PPP2R5D: variants seen among roughly 807,000 people sequenced by gnomAD.
The protein encoded by PPP2R5D is protein phosphatase 2 regulatory subunit B'delta, also known as serine/threonine-protein phosphatase 2A 56 kDa regulatory subunit delta isoform.
In PPP2R5D, 12 loss-of-function variants were observed where a neutral mutation model predicts 79.1. The observed-to-expected ratio is 0.15, with a 90% CI of 0.10 to 0.25. The LOEUF is 0.25. PPP2R5D is among the 10% of genes least tolerant of loss of function. The pLI, the probability that PPP2R5D is intolerant of heterozygous loss-of-function variation, is 1.00. For missense variants in PPP2R5D, 419 were observed against 760.2 expected (o/e 0.55, Z 5.28); for synonymous variants, 277 against 286.6 (o/e 0.97, Z 0.34).
At chr6:43,002,406 G>A (rs973193672) in intron 2 of PPP2R5D, among the ~76,000 whole-genome samples, 55 of 152,126 alleles carry the variant, frequency 3.6e-4, no homozygotes, top group South Asian at 1.5e-3. Context: ...CTCGTGATCC[G>A]CCCGCCTCTG....
chr6:42,994,390 T>C (rs1400642116), intron 2 of PPP2R5D, among the ~76,000 whole-genome samples: 1 of 152,198 alleles, frequency 6.6e-6, no homozygotes, highest in African/African-American at 2.4e-5. Context: ...CTTGTGGTCT[T>C]GAATGAAGTG....
rs749823436 is a variant in PPP2R5D, at chr6:43,007,024, C to T, written c.436C>T (p.Arg146Trp). 1 of 1,613,994 alleles carries T rather than the reference C, an allele frequency of 6.2e-7. No homozygotes were observed. Among genetic ancestry groups the T allele is most frequent in the Admixed American group, 1.7e-5 (1 of 59,990 alleles). The change falls in exon 4 of 16, where the codon CGG becomes TGG. Residue 146 changes from arginine to tryptophan, a missense_variant. Around this residue, in one of 5 missense-constraint regions of PPP2R5D, gnomAD observed 29 missense variants for 64.2 expected, o/e 0.45. Coordinates refer to ENST00000485511, the MANE Select transcript of PPP2R5D (RefSeq NM_006245.4). This position sits in a 1 kb window ranked among gnomAD's most constrained non-coding sequence, Gnocchi z 4.5. ...LSDLKFKEVK[R>W]AGLNEMVEYI... is the part of the protein sequence containing the mutation. The stretch of plus-strand genomic sequence containing the variant: ...TGACCTCAAATTCAAGGAGGTGAAG[C>T]GGGCAGGACTCAACGAGATGGTGGA...
intron 2 of PPP2R5D, among the ~76,000 whole-genome samples, chr6:42,998,616 G>A (rs1315017698): frequency 4.6e-5 from 7 of 152,112 alleles, no homozygotes; most frequent in Admixed American, 4.6e-4. Context: ...CAGAAGTGAG[G>A]GCCAGGTATG....
rs146145609 is a variant in PPP2R5D at position 43,006,555 on chromosome 6, C to G, written c.198C>G (p.Pro66=). The part of the protein sequence containing the change: ...NKRPSNSTPP[P]TQLSKIKYSG... ...GTCCCAGCAATAGCACGCCGCCCCC[C>G]ACGCAGCTCAGCAAAATCAAGTACT... Residue 66 remains proline, a synonymous_variant, in exon 3 of 16, where the codon CCC becomes CCG. Coordinates refer to ENST00000485511, the MANE Select transcript of PPP2R5D (RefSeq NM_006245.4). The surrounding 1 kb of genome is among the most constrained non-coding windows in gnomAD (Gnocchi z 4.7). The G allele has an allele frequency of 2.0e-5, 32 of 1,614,174 alleles. No individual in the cohort carries two copies. The highest frequency in any genetic ancestry group is 4.0e-5 in the African/African-American group (3 of 75,048).
Position 43,011,797 on chromosome 6 carries a change from CA to C in PPP2R5D, c.*512del, listed in dbSNP as rs1762363950. ...GCAGCACAAATAGGCCCCCCAGTCC[CA>C]GCCGTGTGCTGGCAGATAGGGTTGT... is the stretch of plus-strand genomic sequence containing the variant. On this transcript the variant is annotated 3_prime_UTR_variant, in exon 16 of 16. Transcript: ENST00000485511. 6.0e-6 allele frequency: 1 copy of C among 166,036 alleles called. No individual in the cohort carries two copies. Among genetic ancestry groups the C allele is most frequent in the African/African-American group, 2.4e-5 (1 of 41,614 alleles). The allele number at this position is 166,036 out of a possible 1,614,324, so 10.3% of individuals were successfully genotyped here.
rs1387878879 is a variant in PPP2R5D, at chr6:43,011,589, A to G, written c.*303A>G. ...CCCACAGCTACCTGAGGCTGCTCTG[A>G]GAAGTACACACAGGAATACATACGC... On this transcript the variant is annotated 3_prime_UTR_variant, in exon 16 of 16. Coordinates refer to ENST00000485511, the MANE Select transcript of PPP2R5D (RefSeq NM_006245.4). 3 of 466,132 alleles carry G rather than the reference A, an allele frequency of 6.4e-6. No individual in the cohort carries two copies. The East Asian group carries it at 1.2e-4, about 19-fold the overall frequency. The allele number at this position is 466,132 out of a possible 1,614,324, so 28.9% of individuals were successfully genotyped here.
chr6:42,987,838 G>T (rs956663214), intron 1 of PPP2R5D, among the ~76,000 whole-genome samples: 1 of 152,016 alleles, frequency 6.6e-6, no homozygotes, highest in Non-Finnish European at 1.5e-5. Context: ...GTACAAAAAA[G>T]AATAAGCAGC....
At chr6:42,995,126 C>CTTT (rs889250251) in intron 2 of PPP2R5D, among the ~76,000 whole-genome samples, 2,308 of 106,216 alleles carry the variant, frequency 0.022, 155 homozygotes, top group African/African-American at 0.09. Flanking sequence ...CTTTTTCTTT[C>CTTT]TTTTTTTTTT....
rs1203620492 is a variant in PPP2R5D, at chr6:43,011,485, C to T, written c.*199C>T. ...CTCCCCAAAAGGTGTTCATGCCTCCCTGTGGCTAGTACAGGCTGAGCACTA... is the reference window on the plus strand; with the variant it reads ...CTCCCCAAAAGGTGTTCATGCCTCCTTGTGGCTAGTACAGGCTGAGCACTA... On this transcript the variant is annotated 3_prime_UTR_variant, in exon 16 of 16. Coordinates refer to ENST00000485511, the MANE Select transcript of PPP2R5D (RefSeq NM_006245.4). The T allele has an allele frequency of 1.3e-5, 9 of 687,228 alleles. No homozygotes were observed. In the African/African-American group the frequency reaches 1.6e-4, roughly 12 times the overall value. 42.6% of individuals were successfully genotyped at this position (687,228 alleles called of 1,614,324 possible).
At chr6:42,986,970 A>AG (rs1770902348) in intron 1 of PPP2R5D, among the ~76,000 whole-genome samples, 1 of 151,768 alleles carries the variant, frequency 6.6e-6, no homozygotes, top group African/African-American at 2.4e-5. Flanking sequence ...TCTAAGGGGC[A>AG]GGGGGGTTGC....
At chr6:42,992,337 A>G (rs57933466) in intron 2 of PPP2R5D, among the ~76,000 whole-genome samples, 40,267 of 152,002 alleles carry the variant, frequency 0.26, 8,190 homozygotes, top group African/African-American at 0.57. Flanking sequence ...GGGATTACAG[A>G]TGTGAGCCAC....
chr6:43,007,017 G>A lies in PPP2R5D; in HGVS notation c.429G>A (p.Glu143=), dbSNP rs1350254975. ...SDPLSDLKFK[E]VKRAGLNEMV... ...CACTCAGTGACCTCAAATTCAAGGA[G>A]GTGAAGCGGGCAGGACTCAACGAGA... Residue 143 remains glutamate, a synonymous_variant, in exon 4 of 16, where the codon GAG becomes GAA. Coordinates refer to ENST00000485511, the MANE Select transcript of PPP2R5D (RefSeq NM_006245.4). The surrounding 1 kb of genome is among the most constrained non-coding windows in gnomAD (Gnocchi z 4.5). 2 of 1,614,194 alleles carry A rather than the reference G, an allele frequency of 1.2e-6. No individual in the cohort carries two copies. The highest frequency in any genetic ancestry group is 1.3e-5 in the African/African-American group (1 of 75,034).
At chr6:42,993,181 C>T (rs1561840576) in intron 2 of PPP2R5D, among the ~76,000 whole-genome samples, 2 of 152,074 alleles carry the variant, frequency 1.3e-5, no homozygotes, top group Admixed American at 6.6e-5. Flanking sequence ...CCTGTAATCC[C>T]AGCTACTAGG....
chr6:43,002,283 C>T (rs1761783879), intron 2 of PPP2R5D, among the ~76,000 whole-genome samples: 4 of 152,064 alleles, frequency 2.6e-5, no homozygotes, highest in Admixed American at 2.6e-4. Flanking sequence ...CCTGCCCCAG[C>T]CTCCCGAGTA....
Position 43,011,327 on chromosome 6 carries a change from C to CT in PPP2R5D, c.*42dup. Reference sequence around the variant, plus strand: ...CCACAGGGCCACAGCCCACACAGCCCTGGGACACTGCCCTGGCCCTCCATA... The same window carrying CT: ...CCACAGGGCCACAGCCCACACAGCCCTTGGGACACTGCCCTGGCCCTCCATA... On this transcript the variant is annotated 3_prime_UTR_variant, in exon 16 of 16. Transcript: ENST00000485511. The CT allele has an allele frequency of 6.2e-7, 1 of 1,611,650 alleles. No individual in the cohort carries two copies. The highest frequency in any genetic ancestry group is 8.5e-7 in the Non-Finnish European group (1 of 1,179,272).
chr6:43,004,179 G>T (rs4714653), intron 2 of PPP2R5D, among the ~76,000 whole-genome samples: 83 of 151,848 alleles, frequency 5.5e-4, no homozygotes, highest in African/African-American at 1.9e-3. Context: ...CCCACCACCA[G>T]GCCTGGCTAA....
At chr6:42,989,534 A>G in intron 1 of PPP2R5D, 77 bp from the exon 2 acceptor site, 3 of 1,244,188 alleles carry the variant, frequency 2.4e-6, no homozygotes, top group Non-Finnish European at 3.4e-6. Context: ...TATTTGCAAC[A>G]AAGATCTAAG....
In PPP2R5D at chr6:43,008,133, T is replaced by C; in HGVS notation, c.857+68T>C. 1.9e-6 allele frequency: 3 copies of C among 1,612,698 alleles called. No homozygotes were observed. The highest frequency in any genetic ancestry group is 2.5e-6 in the Non-Finnish European group (3 of 1,179,360). Reference sequence around the variant, plus strand: ...CTGAGGTGGGGTGGGAGCAGGGAGGTGGGGGGACTGTACAGAATGCTGGAG... The same window carrying C: ...CTGAGGTGGGGTGGGAGCAGGGAGGCGGGGGGACTGTACAGAATGCTGGAG... On this transcript the variant is annotated intron_variant, in intron 7 of 15. Transcript: ENST00000485511. The surrounding 1 kb of genome is among the most constrained non-coding windows in gnomAD (Gnocchi z 4.2).
intron 2 of PPP2R5D, among the ~76,000 whole-genome samples, chr6:42,999,635 G>A (rs979414356): frequency 1.3e-5 from 2 of 152,064 alleles, no homozygotes; most frequent in South Asian, 2.1e-4. Context: ...GCACGATTTC[G>A]GCTCACTGCA....
Sources: gnomAD v4.1 joint callset for allele counts (sites outside exome capture counted in the v4.1 genomes callset) on GRCh38, gnomAD v4.1.1 for gene constraint, gnomAD v4.1.1 regional missense constraint, Gnocchi (gnomAD v3.1) non-coding constraint, MANE v1.5 for transcripts, NCBI Gene and HGNC (gene_info 2026-07-23, HGNC 2026-07-21) for gene names.